CDKAL1: variants seen among roughly 807,000 people sequenced by gnomAD.
The protein encoded by CDKAL1 is threonylcarbamoyladenosine tRNA methylthiotransferase.
In CDKAL1, 32 loss-of-function variants were observed where a neutral mutation model predicts 68.2. The observed-to-expected ratio is 0.47, with a 90% confidence interval of 0.35 to 0.63. The LOEUF (loss-of-function observed/expected upper bound fraction) is 0.63. Ranked by LOEUF, CDKAL1 falls within the 30% of genes least tolerant of loss-of-function variation. CDKAL1 has a pLI of 0.00. For missense variants in CDKAL1, 606 were observed against 696.7 expected, an observed-to-expected ratio of 0.87 and a Z score of 1.47; for synonymous variants, 234 against 244.3, an observed-to-expected ratio of 0.96 and a Z score of 0.39.
intron 13 of CDKAL1, among the ~76,000 whole-genome samples, chr6:21,110,225 G>T (rs1355865482): frequency 6.6e-6 from 1 of 152,158 alleles, no homozygotes; most frequent in Non-Finnish European, 1.5e-5. Flanking sequence ...AGTAGTGAAG[G>T]AAAATGGAAA....
At chr6:20,764,142 T>C (rs1030371579) in intron 7 of CDKAL1, among the ~76,000 whole-genome samples, 12 of 152,184 alleles carry the variant, frequency 7.9e-5, no homozygotes, top group African/African-American at 2.4e-5. Context: ...GTATGTGAAA[T>C]CTTCTAAACA....
At chr6:21,082,003 G>A (rs1024144799) in intron 12 of CDKAL1, among the ~76,000 whole-genome samples, 7 of 144,352 alleles carry the variant, frequency 4.8e-5, no homozygotes, top group African/African-American at 1.8e-4. Context: ...TATGTATAAT[G>A]TTAACTGTGT....
chr6:20,841,647 G>A (rs1279067312), intron 8 of CDKAL1, among the ~76,000 whole-genome samples: 8 of 152,196 alleles, frequency 5.3e-5, no homozygotes, highest in Admixed American at 5.2e-4. Context: ...GATGGCTCAC[G>A]CCTGTCATCC....
At chr6:20,762,925 T>C (rs1168242585) in intron 7 of CDKAL1, among the ~76,000 whole-genome samples, 1 of 152,194 alleles carries the variant, frequency 6.6e-6, no homozygotes, top group East Asian at 1.9e-4. Flanking sequence ...TTCACTTCTT[T>C]TGTCCATGCA....
intron 13 of CDKAL1, among the ~76,000 whole-genome samples, chr6:21,194,659 G>A (rs531834120): frequency 6.6e-6 from 1 of 152,174 alleles, no homozygotes; most frequent in African/African-American, 2.4e-5. Flanking sequence ...AACCACACAC[G>A]GCTACCATAT....
intron 9 of CDKAL1, among the ~76,000 whole-genome samples, chr6:20,947,000 A>G (rs1018132544): frequency 6.6e-6 from 1 of 152,190 alleles, no homozygotes; most frequent in Non-Finnish European, 1.5e-5. Flanking sequence ...TTTCACTTGA[A>G]TAGATTTCAC....
intron 9 of CDKAL1, among the ~76,000 whole-genome samples, chr6:20,871,048 C>T (rs1760184410): frequency 6.6e-6 from 1 of 152,028 alleles, no homozygotes; most frequent in South Asian, 2.1e-4. Flanking sequence ...GGCCTCATAC[C>T]CACACAATTC....
chr6:21,134,184 G>T (rs1459409314), intron 13 of CDKAL1, among the ~76,000 whole-genome samples: 1 of 152,170 alleles, frequency 6.6e-6, no homozygotes, highest in East Asian at 1.9e-4. Context: ...GAATTCAGAA[G>T]TCAAACAAAG....
At chr6:21,020,282 G>A (rs908600619) in intron 11 of CDKAL1, among the ~76,000 whole-genome samples, 4 of 151,806 alleles carry the variant, frequency 2.6e-5, no homozygotes, top group Admixed American at 6.6e-5. Flanking sequence ...CTGGTTTTCC[G>A]TGGCACCACC....
intron 4 of CDKAL1, among the ~76,000 whole-genome samples, chr6:20,556,155 A>G (rs1226018810): frequency 1.3e-5 from 2 of 151,926 alleles, no homozygotes; most frequent in Admixed American, 1.3e-4. Context: ...TCCTGAGGTC[A>G]GGAGTTCGAG....
chr6:21,145,692 T>C (rs1013002595), intron 13 of CDKAL1, among the ~76,000 whole-genome samples: 6 of 152,204 alleles, frequency 3.9e-5, no homozygotes, highest in Non-Finnish European at 5.9e-5. Context: ...CTGTCTAAAA[T>C]TGCACGGCTG....
intron 5 of CDKAL1, among the ~76,000 whole-genome samples, chr6:20,676,236 ATGTACAG>A (rs1770089570): frequency 6.6e-6 from 1 of 152,120 alleles, no homozygotes; most frequent in Admixed American, 6.6e-5. Flanking sequence ...TGTAGTCTAA[ATGTACAG>A]TGTTTATTGT....
At chr6:21,114,247 C>CAAAAAAAA (rs55859447) in intron 13 of CDKAL1, among the ~76,000 whole-genome samples, 2 of 101,724 alleles carry the variant, frequency 2.0e-5, no homozygotes, top group Admixed American at 1.0e-4. Context: ...GACTCTGTCT[C>CAAAAAAAA]AAAAAAAAAA....
At chr6:21,137,918 G>A (rs986076122) in intron 13 of CDKAL1, among the ~76,000 whole-genome samples, 9 of 152,066 alleles carry the variant, frequency 5.9e-5, no homozygotes, top group Admixed American at 3.3e-4. Context: ...CTAGAACAAC[G>A]CTCTGTGTAG....
At chr6:20,604,622 G>C (rs6939917) in intron 4 of CDKAL1, among the ~76,000 whole-genome samples, 1 of 152,144 alleles carries the variant, frequency 6.6e-6, no homozygotes, top group Non-Finnish European at 1.5e-5. Flanking sequence ...CTATGGGCTC[G>C]TGCTCTTGGA....
At position 20,599,579 on chromosome 6, in the gene CDKAL1, C is replaced by T. The variant is rs1314051684; in HGVS notation, c.287-49714C>T. 2.0e-5 allele frequency among the ~76,000 whole-genome samples: 3 copies of T among 152,070 alleles called. No individual in the cohort carries two copies. The South Asian group carries it at 6.2e-4, about 31-fold the overall frequency. On this transcript the variant is annotated intron_variant, in intron 4 of 15. Coordinates refer to ENST00000274695, the MANE Select transcript of CDKAL1 (RefSeq NM_017774.3). ...TGGCAAAATTTGCATAATGACTTGGCTCATTTAGCTTTGTGTATTGTTAAG... is the reference window on the plus strand; with the variant it reads ...TGGCAAAATTTGCATAATGACTTGGTTCATTTAGCTTTGTGTATTGTTAAG...
intron 8 of CDKAL1, among the ~76,000 whole-genome samples, chr6:20,845,809 T>G (rs1363079069): frequency 1.3e-5 from 2 of 152,210 alleles, no homozygotes; most frequent in Admixed American, 1.3e-4. Flanking sequence ...TAAACTTTCT[T>G]CCTCATAGAT....
At chr6:20,735,035 A>C (rs998892412) in intron 5 of CDKAL1, among the ~76,000 whole-genome samples, 4 of 151,544 alleles carry the variant, frequency 2.6e-5, no homozygotes, top group Admixed American at 2.6e-4. Flanking sequence ...TGCCCGGCTA[A>C]TTTTTTTGTA....
chr6:21,120,761 C>T (rs1252219072), intron 13 of CDKAL1, among the ~76,000 whole-genome samples: 2 of 152,130 alleles, frequency 1.3e-5, no homozygotes, highest in African/African-American at 4.8e-5. Context: ...TAATTTCAAA[C>T]AGTACCTAAA....
Sources: gnomAD v4.1 joint callset for allele counts (sites outside exome capture counted in the v4.1 genomes callset) on GRCh38, gnomAD v4.1.1 for gene constraint, MANE v1.5 for transcripts, NCBI Gene and HGNC (gene_info 2026-07-23, HGNC 2026-07-21) for gene names.